The following PRKN variants were observed in gnomAD, a reference collection of about 807,000 sequenced individuals.
PRKN encodes E3 ubiquitin-protein ligase parkin.
PRKN carries 56 observed loss-of-function variants against 59.5 expected under a neutral mutation model. That is an observed-to-expected ratio of 0.94 (90% CI 0.76 to 1.18). PRKN has a LOEUF of 1.18. PRKN is among the 50% of genes most tolerant of loss of function. The pLI, the probability that PRKN is intolerant of heterozygous loss-of-function variation, is 0.00. For synonymous variants in PRKN, 250 were observed against 222.1 expected (o/e 1.13, Z -1.12); for missense variants, 657 against 596.4 (o/e 1.10, Z -1.06).
chr6:162,209,792 T>C (rs1242030447), intron 3 of PRKN, among the ~76,000 whole-genome samples: 1 of 151,752 alleles, frequency 6.6e-6, no homozygotes, highest in Non-Finnish European at 1.5e-5. Flanking sequence ...AAAGAATGAG[T>C]TCATGTCCTT....
At chr6:162,671,113 G>A (rs1779300679) in intron 1 of PRKN, among the ~76,000 whole-genome samples, 1 of 152,160 alleles carries the variant, frequency 6.6e-6, no homozygotes, top group African/African-American at 2.4e-5. Flanking sequence ...TGTAACACCA[G>A]AAAACCAGTT....
chr6:161,963,074 C>T lies in PRKN; in HGVS notation c.734+10228G>A, dbSNP rs190609381. ...AGGAGAATCGCTTGAACCCAGGAGG[C>T]GGAAGTTGCAGTGAGCCAAGATTGA... On this transcript the variant is annotated intron_variant, in intron 6 of 11. Coordinates refer to ENST00000366898, the MANE Select transcript of PRKN (RefSeq NM_004562.3). Among the ~76,000 whole-genome samples, 108 of 152,206 alleles carry T rather than the reference C, an allele frequency of 7.1e-4. 1 individual carries two copies. The highest frequency in any genetic ancestry group is 7.4e-5 in the Non-Finnish European group (5 of 68,004).
rs1309538975 is a variant in PRKN, at chr6:162,099,510, G to A, written c.535-45336C>T. ...TTAATTTTACAAATTCCCTTCTAAC[G>A]GCTTTAATTGTAATTCCTGGCATAA... On this transcript the variant is annotated intron_variant, in intron 4 of 11. Transcript: ENST00000366898. 3.9e-5 allele frequency among the ~76,000 whole-genome samples: 6 copies of A among 152,074 alleles called. No homozygotes were observed. In the East Asian group the frequency reaches 1.2e-3, roughly 29 times the overall value.
intron 1 of PRKN, among the ~76,000 whole-genome samples, chr6:162,650,615 A>AT (rs1554258239): frequency 6.6e-6 from 1 of 150,776 alleles, no homozygotes; most frequent in Non-Finnish European, 1.5e-5. Flanking sequence ...AAAAAAAAAA[A>AT]GAAAACTCTC....
intron 1 of PRKN, among the ~76,000 whole-genome samples, chr6:162,457,873 C>G (rs1790956385): frequency 6.6e-6 from 1 of 151,768 alleles, no homozygotes. Context: ...GTAATCCCAG[C>G]ACTTTGGGAG....
At chr6:162,548,892 T>G (rs957906) in intron 1 of PRKN, among the ~76,000 whole-genome samples, 28,170 of 152,124 alleles carry the variant, frequency 0.19, 3,298 homozygotes, top group East Asian at 0.5. Flanking sequence ...CTCACTCCCC[T>G]TATCTTCCTG....
At chr6:161,761,076 T>G (rs1336723191) in intron 7 of PRKN, among the ~76,000 whole-genome samples, 4 of 152,240 alleles carry the variant, frequency 2.6e-5, no homozygotes, top group African/African-American at 9.6e-5. Flanking sequence ...TAAACAGATG[T>G]TCTAGAGAAT....
intron 7 of PRKN, among the ~76,000 whole-genome samples, chr6:161,680,247 T>C (rs928762270): frequency 3.3e-5 from 5 of 152,206 alleles, no homozygotes; most frequent in Admixed American, 3.3e-4. Flanking sequence ...TTGTGATGAA[T>C]TAGGCTGACT....
Position 161,538,918 on chromosome 6 carries a change from T to C in PRKN, c.1083+9936A>G, listed in dbSNP as rs974896791. ...TCCCTTGAACTCTGCCTAAATGTCA[T>C]GAACAACAGGAATAACAGCAGGTAC... On this transcript the variant is annotated intron_variant, in intron 9 of 11. Transcript: ENST00000366898. This position sits in a 1 kb window ranked among gnomAD's most constrained non-coding sequence, Gnocchi z 4.2. 2.8e-4 allele frequency among the ~76,000 whole-genome samples: 42 copies of C among 152,144 alleles called. No homozygotes were observed. Among genetic ancestry groups the C allele is most frequent in the African/African-American group, 9.4e-4 (39 of 41,436 alleles).
chr6:161,507,646 C>G (rs934954912), intron 9 of PRKN, among the ~76,000 whole-genome samples: 2 of 152,154 alleles, frequency 1.3e-5, no homozygotes, highest in Non-Finnish European at 2.9e-5. Context: ...TCCCCCTACC[C>G]TCCATTCTCT....
chr6:161,731,175 GAT>G (rs1187990073), intron 7 of PRKN, among the ~76,000 whole-genome samples: 2 of 152,252 alleles, frequency 1.3e-5, no homozygotes, highest in Non-Finnish European at 2.9e-5. Flanking sequence ...GTTGCATTCT[GAT>G]ATGTTTTCTT....
chr6:162,478,648 A>G (rs1792143145), intron 1 of PRKN, among the ~76,000 whole-genome samples: 1 of 152,168 alleles, frequency 6.6e-6, no homozygotes, highest in Admixed American at 6.5e-5. Flanking sequence ...TTGCGTTGTT[A>G]GGGGATTTTG....
chr6:162,275,039 C>T (rs1199802532), intron 2 of PRKN: 1 of 146,680 alleles, frequency 6.8e-6, no homozygotes, highest in Non-Finnish European at 1.5e-5. Context: ...GGAGATTGCA[C>T]CACTGCACTC....
chr6:162,422,334 T>C (rs1037068391), intron 2 of PRKN, among the ~76,000 whole-genome samples: 5 of 152,208 alleles, frequency 3.3e-5, no homozygotes, highest in Non-Finnish European at 7.3e-5. Context: ...CTGCCCCTAG[T>C]ATACAACAGT....
chr6:161,438,785 C>T (rs17647667), intron 9 of PRKN, among the ~76,000 whole-genome samples: 12,751 of 152,186 alleles, frequency 0.084, 725 homozygotes, highest in Non-Finnish European at 0.12. Flanking sequence ...AGCTATTTGA[C>T]CAATGCTGCT....
At chr6:161,695,231 A>C (rs571784454) in intron 7 of PRKN, among the ~76,000 whole-genome samples, 55 of 152,192 alleles carry the variant, frequency 3.6e-4, no homozygotes, top group Admixed American at 5.9e-4. Flanking sequence ...AAAGGAATGG[A>C]AAAGCTCAAA....
intron 7 of PRKN, among the ~76,000 whole-genome samples, chr6:161,714,451 G>T (rs1786886416): frequency 1.3e-5 from 2 of 152,216 alleles, no homozygotes; most frequent in Non-Finnish European, 2.9e-5. Context: ...GCAAGGAGGT[G>T]TCATCGTGCA....
At chr6:162,691,735 AG>A (rs1381358540) in intron 1 of PRKN, among the ~76,000 whole-genome samples, 2 of 152,232 alleles carry the variant, frequency 1.3e-5, no homozygotes, top group African/African-American at 2.4e-5. Flanking sequence ...ACAAATACTT[AG>A]AAAAAAGTTC....
intron 5 of PRKN, among the ~76,000 whole-genome samples, chr6:161,986,429 A>G (rs1052483570): frequency 3.3e-5 from 5 of 150,318 alleles, no homozygotes; most frequent in Non-Finnish European, 5.9e-5. Flanking sequence ...CAACATCACT[A>G]TTCTTGGGAA....
Sources: allele counts gnomAD v4.1 joint callset (sites outside exome capture counted in the v4.1 genomes callset), GRCh38; gene constraint gnomAD v4.1.1; non-coding constraint Gnocchi (gnomAD v3.1); transcripts MANE v1.5; gene names NCBI Gene and HGNC (gene_info 2026-07-23, HGNC 2026-07-21).